Variants in VMP1 observed in about 807,000 individuals in gnomAD.
VMP1 encodes ectopic P-granules autophagy protein 3 homolog.
VMP1 carries 11 observed loss-of-function variants against 56.0 expected under a neutral mutation model. The observed-to-expected ratio is 0.20, with a 90% CI of 0.12 to 0.32. VMP1 has a LOEUF of 0.32. VMP1 is among the 10% of genes least tolerant of loss of function. The pLI is 1.00. For synonymous variants in VMP1, 149 were observed against 165.0 expected, an observed-to-expected ratio of 0.90 and a Z score of 0.74; for missense variants, 296 against 490.3, an observed-to-expected ratio of 0.60 and a Z score of 3.74.
At chr17:59,811,277 C>T (rs1356012611) in intron 8 of VMP1, among the ~76,000 whole-genome samples, 1 of 152,182 alleles carries the variant, frequency 6.6e-6, no homozygotes, top group Non-Finnish European at 1.5e-5. Context: ...TCTTTCTTCA[C>T]TCATACCTCA....
chr17:59,734,902 C>CTTTTTTTT (rs35072996), intron 2 of VMP1, among the ~76,000 whole-genome samples: 11 of 72,290 alleles, frequency 1.5e-4, no homozygotes, highest in South Asian at 6.2e-4. Flanking sequence ...GACTGGTTGC[C>CTTTTTTTT]TTTTTTTTTT....
intron 1 of VMP1, among the ~76,000 whole-genome samples, chr17:59,724,573 G>T (rs1332754623): frequency 6.6e-6 from 1 of 152,216 alleles, no homozygotes; most frequent in African/African-American, 2.4e-5. Flanking sequence ...TTGGGAGGCT[G>T]AGACAGGAGG....
chr17:59,758,003 C>T (rs2035909273), intron 5 of VMP1, among the ~76,000 whole-genome samples: 1 of 151,568 alleles, frequency 6.6e-6, no homozygotes, highest in African/African-American at 2.4e-5. Flanking sequence ...CCATACCCAG[C>T]TAATTTTTTG....
chr17:59,804,601 A>G (rs1283714428), intron 7 of VMP1, among the ~76,000 whole-genome samples: 6 of 137,796 alleles, frequency 4.4e-5, no homozygotes, highest in African/African-American at 1.4e-4. Context: ...CCTGGGCGAC[A>G]GTGAGACTCC....
At chr17:59,810,536 A>T (rs1270105178) in intron 8 of VMP1, among the ~76,000 whole-genome samples, 1 of 152,240 alleles carries the variant, frequency 6.6e-6, no homozygotes, top group Non-Finnish European at 1.5e-5. Flanking sequence ...GTTATAACTC[A>T]TAGAATTATG....
chr17:59,780,119 C>G (rs897992558), intron 7 of VMP1, among the ~76,000 whole-genome samples: 1 of 152,142 alleles, frequency 6.6e-6, no homozygotes, highest in Non-Finnish European at 1.5e-5. Context: ...AGAATGCACA[C>G]AATACTTCTG....
At chr17:59,790,624 T>C (rs1418743998) in intron 7 of VMP1, among the ~76,000 whole-genome samples, 1 of 152,110 alleles carries the variant, frequency 6.6e-6, no homozygotes, top group African/African-American at 2.4e-5. Flanking sequence ...ACTCCATCTC[T>C]ACTAAAAATA....
intron 7 of VMP1, among the ~76,000 whole-genome samples, chr17:59,783,303 A>G (rs1028817519): frequency 6.6e-6 from 1 of 152,240 alleles, no homozygotes; most frequent in Admixed American, 6.5e-5. Context: ...GGGAAAAAAG[A>G]TGATTAAAGC....
intron 9 of VMP1, among the ~76,000 whole-genome samples, chr17:59,815,456 G>C (rs1336083264): frequency 1.4e-5 from 2 of 140,076 alleles, no homozygotes; most frequent in Admixed American, 1.4e-4. Flanking sequence ...ACTCCCAGGA[G>C]GGCAGAGATT....
At chr17:59,765,365 G>C (rs1000410705) in intron 6 of VMP1, among the ~76,000 whole-genome samples, 1 of 152,308 alleles carries the variant, frequency 6.6e-6, no homozygotes, top group South Asian at 2.1e-4. Flanking sequence ...CTGAGGCCAA[G>C]TAGACTCCAG....
At chr17:59,786,890 TTA>T (rs2037024946) in intron 7 of VMP1, among the ~76,000 whole-genome samples, 1 of 152,222 alleles carries the variant, frequency 6.6e-6, no homozygotes, top group African/African-American at 2.4e-5. Context: ...GAGACACATG[TTA>T]AACACACTTC....
chr17:59,769,669 G>C (rs1216792998), intron 6 of VMP1, among the ~76,000 whole-genome samples: 2 of 152,178 alleles, frequency 1.3e-5, no homozygotes, highest in Non-Finnish European at 2.9e-5. Context: ...TTTGTATGTA[G>C]TAGATGGTTT....
chr17:59,730,006 C>G (rs1190945894), intron 1 of VMP1: 1 of 152,026 alleles, frequency 6.6e-6, no homozygotes. Context: ...TTTACTATAA[C>G]CATCCTAACA....
At chr17:59,790,832 A>G (rs1391182643) in intron 7 of VMP1, among the ~76,000 whole-genome samples, 2 of 152,296 alleles carry the variant, frequency 1.3e-5, no homozygotes, top group Admixed American at 1.3e-4. Context: ...AATTATTCTG[A>G]TATTGTAAAA....
chr17:59,767,026 C>T (rs1401523259), intron 6 of VMP1, among the ~76,000 whole-genome samples: 1 of 151,976 alleles, frequency 6.6e-6, no homozygotes, highest in African/African-American at 2.4e-5. Context: ...AGGTGATCCA[C>T]CAGGCGTGAG....
At chr17:59,713,867 C>T (rs1320705501) in intron 1 of VMP1, among the ~76,000 whole-genome samples, 1 of 150,752 alleles carries the variant, frequency 6.6e-6, no homozygotes, top group Non-Finnish European at 1.5e-5. Flanking sequence ...ATGGTGAGAC[C>T]CCATCTCTAC....
At position 59,730,843 on chromosome 17, in the gene VMP1, G is replaced by T. The variant is rs550982618; in HGVS notation, c.-26-578G>T. Among the ~76,000 whole-genome samples the T allele has an allele frequency of 7.0e-5, 10 of 142,560 alleles. No homozygotes were observed. In the South Asian group the frequency reaches 1.1e-3, roughly 16 times the overall value. 93.5% of individuals were successfully genotyped at this position (142,560 alleles called of 152,430 possible). A position where few individuals can be genotyped will look rare whatever the true frequency, so the allele number is the denominator to read the frequency against. ...AACTATCTTAAACATTTCAAGTTTGGTTTTTTTTTTTGCCCATATCATTTT... is the reference window on the plus strand; with the variant it reads ...AACTATCTTAAACATTTCAAGTTTGTTTTTTTTTTTTGCCCATATCATTTT... On this transcript the variant is annotated intron_variant, in intron 1 of 11. Coordinates refer to ENST00000262291, the MANE Select transcript of VMP1 (RefSeq NM_030938.5).
At chr17:59,714,319 ATAACCCATTAATCCAT>A (rs1359660883) in intron 1 of VMP1, among the ~76,000 whole-genome samples, 3 of 152,062 alleles carry the variant, frequency 2.0e-5, no homozygotes, top group Non-Finnish European at 4.4e-5. Flanking sequence ...TACCCCCATG[ATAACCCATTAATCCAT>A]TAACCCATTA....
At chr17:59,770,725 C>T (rs1337774994) in intron 6 of VMP1, among the ~76,000 whole-genome samples, 2 of 151,684 alleles carry the variant, frequency 1.3e-5, no homozygotes, top group Non-Finnish European at 2.9e-5. Context: ...GGATTATAGG[C>T]GCACACCACC....
Sources: gnomAD v4.1 joint callset for allele counts (sites outside exome capture counted in the v4.1 genomes callset) on GRCh38, gnomAD v4.1.1 for gene constraint, MANE v1.5 for transcripts, NCBI Gene and HGNC (gene_info 2026-07-23, HGNC 2026-07-21) for gene names.